The following MCC variants were observed in gnomAD, a reference collection of about 807,000 sequenced individuals.
MCC encodes MCC regulator of Wnt signaling pathway.
In MCC, 90 loss-of-function variants were observed where a neutral mutation model predicts 116.2. The observed-to-expected ratio is 0.77, with a 90% CI of 0.65 to 0.92. The LOEUF (loss-of-function observed/expected upper bound fraction) is 0.92, where lower values mean the gene tolerates loss of function less well. Ranked by LOEUF, MCC falls within the 40% of genes least tolerant of loss-of-function variation. MCC has a pLI of 0.00. For missense variants in MCC, 1,516 were observed against 1,312.2 expected (o/e 1.16, Z -2.40); for synonymous variants, 578 against 510.5 (o/e 1.13, Z -1.78).
chr5:113,130,965 G>A (rs1214476039), intron 5 of MCC, among the ~76,000 whole-genome samples: 1 of 152,148 alleles, frequency 6.6e-6, no homozygotes, highest in African/African-American at 2.4e-5. Flanking sequence ...CTCTCCCAAA[G>A]GCCTCATCTC....
intron 12 of MCC, 113 bp downstream of exon 12, chr5:113,070,981 G>A: frequency 6.4e-6 from 8 of 1,257,378 alleles, no homozygotes; most frequent in Non-Finnish European, 7.7e-6. Flanking sequence ...ATATGCCTTG[G>A]TCCAAACTGC....
intron 3 of MCC, among the ~76,000 whole-genome samples, chr5:113,159,844 C>T (rs1417878546): frequency 6.6e-6 from 1 of 152,154 alleles, no homozygotes; most frequent in Non-Finnish European, 1.5e-5. Flanking sequence ...AGAAATGCTG[C>T]TCATAGTCTT....
chr5:113,393,163 G>A (rs1193446393), intron 1 of MCC, among the ~76,000 whole-genome samples: 1 of 152,130 alleles, frequency 6.6e-6, no homozygotes, highest in Non-Finnish European at 1.5e-5. Context: ...ATTAGGGAAA[G>A]GCACAAAGGG....
chr5:113,092,150 G>A (rs1755689973), intron 8 of MCC, among the ~76,000 whole-genome samples: 1 of 152,142 alleles, frequency 6.6e-6, no homozygotes, highest in Admixed American at 6.6e-5. Flanking sequence ...CCTAAACCCC[G>A]AGAAATGTAA....
intron 5 of MCC, among the ~76,000 whole-genome samples, chr5:113,139,338 A>T (rs1410208139): frequency 6.6e-6 from 1 of 152,160 alleles, no homozygotes; most frequent in Non-Finnish European, 1.5e-5. Context: ...AAACTGGTGA[A>T]TACTAGTTTG....
intron 3 of MCC, among the ~76,000 whole-genome samples, chr5:113,254,106 C>T (rs1365040711): frequency 6.6e-6 from 1 of 152,084 alleles, no homozygotes; most frequent in Non-Finnish European, 1.5e-5. Context: ...AACAGAGTCT[C>T]CAAAGAAAGG....
rs550654103 is a variant in MCC at position 113,415,595 on chromosome 5, C to T, written c.171-30383G>A. Among the ~76,000 whole-genome samples the T allele has an allele frequency of 3.3e-5, 5 of 152,276 alleles. No individual in the cohort carries two copies. In the East Asian group the frequency reaches 7.7e-4, roughly 23 times the overall value. On this transcript the variant is annotated intron_variant, in intron 1 of 18. Coordinates refer to ENST00000408903, the MANE Select transcript of MCC (RefSeq NM_001085377.2). The stretch of plus-strand genomic sequence containing the variant: ...TCTTGTGCATGCGTCACGTAGTTCT[C>T]GTGCCATGGTTTTCAGCTCCATCAG...
intron 3 of MCC, among the ~76,000 whole-genome samples, chr5:113,165,487 CA>C (rs1372360716): frequency 1.3e-5 from 2 of 152,118 alleles, no homozygotes; most frequent in Non-Finnish European, 2.9e-5. Flanking sequence ...TAAAGTATGG[CA>C]GGGGTAGTGG....
At chr5:113,065,113 C>T (rs1041030786) in intron 13 of MCC, among the ~76,000 whole-genome samples, 3 of 152,116 alleles carry the variant, frequency 2.0e-5, no homozygotes, top group Admixed American at 6.5e-5. Context: ...ATACTGTAAC[C>T]GTGGACTCAA....
intron 1 of MCC, among the ~76,000 whole-genome samples, chr5:113,453,396 T>C (rs760005434): frequency 2.6e-5 from 4 of 152,118 alleles, no homozygotes; most frequent in Admixed American, 1.3e-4. Flanking sequence ...AAACTTTGTT[T>C]TCCAGATTCT....
chr5:113,275,962 C>CTTGTT (rs1352673577), intron 3 of MCC, among the ~76,000 whole-genome samples: 1 of 145,060 alleles, frequency 6.9e-6, no homozygotes, highest in East Asian at 2.0e-4. Context: ...ATTGATTTCA[C>CTTGTT]TTGTTTTGTT....
At position 113,143,752 on chromosome 5, in the gene MCC, G is replaced by A. The variant is rs150329012; in HGVS notation, c.742-392C>T. 6.6e-5 allele frequency among the ~76,000 whole-genome samples: 10 copies of A among 152,322 alleles called. No individual in the cohort carries two copies. The East Asian group carries it at 9.6e-4, about 15-fold the overall frequency. Reference sequence around the variant, plus strand: ...GCCAATGGATGTAAGGTTGCATGGAGTTGATTCAGAAAGCCTTGAAGAGCA... The same window carrying A: ...GCCAATGGATGTAAGGTTGCATGGAATTGATTCAGAAAGCCTTGAAGAGCA... On this transcript the variant is annotated intron_variant, in intron 4 of 18. Coordinates refer to ENST00000408903, the MANE Select transcript of MCC (RefSeq NM_001085377.2).
chr5:113,476,657 A>G (rs1772240705), intron 1 of MCC, among the ~76,000 whole-genome samples: 1 of 152,188 alleles, frequency 6.6e-6, no homozygotes, highest in Non-Finnish European at 1.5e-5. Flanking sequence ...ATATCAAAAC[A>G]CAAGCAATAA....
chr5:113,217,307 G>T (rs1053949086), intron 3 of MCC, among the ~76,000 whole-genome samples: 1 of 152,140 alleles, frequency 6.6e-6, no homozygotes, highest in Non-Finnish European at 1.5e-5. Flanking sequence ...GTCTTTTCCT[G>T]ATAGAATTTA....
Position 113,132,449 on chromosome 5 carries a change from C to CATATAT in MCC, c.885-9624_885-9623insATATAT, listed in dbSNP as rs1237730823. Among the ~76,000 whole-genome samples the CATATAT allele has an allele frequency of 6.5e-3, 722 of 111,026 alleles. 14 individuals are homozygous for CATATAT. The highest frequency in any genetic ancestry group is 0.03 in the East Asian group (131 of 4,416). 72.8% of individuals were successfully genotyped at this position (111,026 alleles called of 152,430 possible). A position where few individuals can be genotyped will look rare whatever the true frequency, so the allele number is the denominator to read the frequency against. On this transcript the variant is annotated intron_variant, in intron 5 of 18. Coordinates refer to ENST00000408903, the MANE Select transcript of MCC (RefSeq NM_001085377.2). ...ATACATATATATATATATATACACA[C>CATATAT]ACACACACACACACACACACACACA...
At chr5:113,053,667 G>T in intron 15 of MCC, 58 bp downstream of exon 15, 1 of 1,254,516 alleles carries the variant, frequency 8.0e-7, no homozygotes. Flanking sequence ...TGCTTTCAGA[G>T]GTTGTTTAGA....
At chr5:113,467,609 A>G in intron 1 of MCC, among the ~76,000 whole-genome samples, 1 of 152,164 alleles carries the variant, frequency 6.6e-6, no homozygotes, top group East Asian at 1.9e-4. Context: ...GTTTGAAGTC[A>G]GGTAGCGTGA....
rs1750301853 is a variant in MCC, at chr5:113,023,461, A to T, written c.*3841T>A. On this transcript the variant is annotated 3_prime_UTR_variant, in exon 19 of 19. Transcript: ENST00000408903. ...ACAAAGCCATCACCTTCTGCAGAAA[A>T]AAAATGTTACTTATGCTCCACCTCC... is the stretch of plus-strand genomic sequence containing the variant. The T allele has an allele frequency of 6.6e-6, 1 of 152,312 alleles. No homozygotes were observed. The highest frequency in any genetic ancestry group is 6.5e-5 in the Admixed American group (1 of 15,292). 9.4% of individuals were successfully genotyped at this position (152,312 alleles called of 1,614,324 possible). A position where few individuals can be genotyped will look rare whatever the true frequency, so the allele number is the denominator to read the frequency against.
chr5:113,170,793 T>C (rs1413849435), intron 3 of MCC, among the ~76,000 whole-genome samples: 5 of 152,172 alleles, frequency 3.3e-5, no homozygotes, highest in Non-Finnish European at 4.4e-5. Flanking sequence ...AAGCAACTCA[T>C]ATGTTTTGCT....
Sources: allele counts gnomAD v4.1 joint callset (sites outside exome capture counted in the v4.1 genomes callset), GRCh38; gene constraint gnomAD v4.1.1; transcripts MANE v1.5; gene names NCBI Gene and HGNC (gene_info 2026-07-23, HGNC 2026-07-21).